CTNNA3: variants seen among roughly 807,000 people sequenced by gnomAD.
The protein encoded by CTNNA3 is catenin alpha-3.
A neutral mutation model predicts 95.7 loss-of-function variants in CTNNA3; 76 were observed. The observed-to-expected ratio is 0.79, with a 90% confidence interval of 0.66 to 0.96. CTNNA3 has a LOEUF of 0.96. Ranked by LOEUF, CTNNA3 falls within the 40% of genes least tolerant of loss-of-function variation. The pLI, the probability that CTNNA3 is intolerant of heterozygous loss-of-function variation, is 0.00. For synonymous variants in CTNNA3, 431 were observed against 374.4 expected (o/e 1.15, Z -1.74); for missense variants, 1,191 against 1,089.8 (o/e 1.09, Z -1.31).
intron 13 of CTNNA3, among the ~76,000 whole-genome samples, chr10:66,261,384 T>C (rs951894378): frequency 3.9e-5 from 6 of 152,158 alleles, no homozygotes; most frequent in African/African-American, 1.2e-4. Flanking sequence ...CCTTATGTTA[T>C]ATTCCTATTC....
At chr10:67,353,829 A>G (rs1842719889) in intron 5 of CTNNA3, among the ~76,000 whole-genome samples, 1 of 152,024 alleles carries the variant, frequency 6.6e-6, no homozygotes, top group South Asian at 2.1e-4. Context: ...ATTTACCAAG[A>G]GTCATCACTA....
intron 11 of CTNNA3, among the ~76,000 whole-genome samples, chr10:66,481,139 A>T (rs1165436955): frequency 6.6e-6 from 1 of 152,160 alleles, no homozygotes; most frequent in African/African-American, 2.4e-5. Flanking sequence ...GCGTAAAGGT[A>T]TATGTCTGTA....
intron 13 of CTNNA3, among the ~76,000 whole-genome samples, chr10:66,130,864 C>CAAAAAAAAAAA (rs1209953818): frequency 2.4e-5 from 2 of 83,280 alleles, no homozygotes; most frequent in African/African-American, 3.9e-5. Context: ...CAAAAACAAA[C>CAAAAAAAAAAA]AAAAAAAAAA....
chr10:66,130,436 T>G (rs1185089579), intron 13 of CTNNA3, among the ~76,000 whole-genome samples: 3 of 151,330 alleles, frequency 2.0e-5, no homozygotes, highest in African/African-American at 7.3e-5. Flanking sequence ...GTTTTTTTTT[T>G]TTGGAAAAAT....
intron 10 of CTNNA3, among the ~76,000 whole-genome samples, chr10:66,593,698 A>C (rs1284789888): frequency 1.3e-5 from 2 of 152,148 alleles, no homozygotes; most frequent in Non-Finnish European, 2.9e-5. Context: ...CCAAAAAAGC[A>C]GTCTCAAGTT....
At chr10:66,567,223 G>A in intron 10 of CTNNA3, among the ~76,000 whole-genome samples, 1 of 152,004 alleles carries the variant, frequency 6.6e-6, no homozygotes, top group East Asian at 1.9e-4. Context: ...ATCAGTGGAA[G>A]GTGCAATGAC....
At position 67,364,745 on chromosome 10, in the gene CTNNA3, A is replaced by G. The variant is rs138114426; in HGVS notation, c.580-144875T>C. ...AAAGAGGACACAAGCAAATGGAAAAACATTCCATGCTCATGGATAGGAAGA... is the reference window on the plus strand; with the variant it reads ...AAAGAGGACACAAGCAAATGGAAAAGCATTCCATGCTCATGGATAGGAAGA... On this transcript the variant is annotated intron_variant, in intron 5 of 17. Transcript: ENST00000433211. Among the ~76,000 whole-genome samples, 760 of 152,314 alleles carry G rather than the reference A, an allele frequency of 5.0e-3. 6 individuals carry two copies. The highest frequency in any genetic ancestry group is 0.017 in the African/African-American group (713 of 41,570).
chr10:66,340,342 A>C (rs1424799389), intron 12 of CTNNA3, among the ~76,000 whole-genome samples: 1 of 151,896 alleles, frequency 6.6e-6, no homozygotes, highest in Admixed American at 6.6e-5. Flanking sequence ...ATTGAGAATC[A>C]GAGAGTCAGA....
At chr10:67,011,845 G>A (rs10997482) in intron 7 of CTNNA3, among the ~76,000 whole-genome samples, 57,907 of 151,892 alleles carry the variant, frequency 0.38, 11,493 homozygotes, top group Middle Eastern at 0.58. Context: ...GGACCTACAG[G>A]TTGCATGTGG....
chr10:66,428,005 C>A (rs1184244661), intron 11 of CTNNA3, among the ~76,000 whole-genome samples: 1 of 152,038 alleles, frequency 6.6e-6, no homozygotes, highest in Non-Finnish European at 1.5e-5. Context: ...ATTCAGGAAA[C>A]CCATCTCACG....
At chr10:67,423,513 T>C (rs2132874186) in intron 5 of CTNNA3, among the ~76,000 whole-genome samples, 1 of 152,224 alleles carries the variant, frequency 6.6e-6, no homozygotes, top group African/African-American at 2.4e-5. Flanking sequence ...AACAGCTACT[T>C]TGGGTTGTTT....
chr10:67,374,336 T>A (rs1843610700), intron 5 of CTNNA3, among the ~76,000 whole-genome samples: 1 of 152,182 alleles, frequency 6.6e-6, no homozygotes, highest in South Asian at 2.1e-4. Flanking sequence ...TTTGCCCAAC[T>A]CTGTTCTGGA....
intron 1 of CTNNA3, among the ~76,000 whole-genome samples, chr10:67,739,537 T>C (rs1313807751): frequency 6.6e-6 from 1 of 151,946 alleles, no homozygotes; most frequent in African/African-American, 2.4e-5. Flanking sequence ...AGCCAAATCA[T>C]GAGTGAACTC....
chr10:66,963,204 G>T (rs1197482029), intron 7 of CTNNA3, among the ~76,000 whole-genome samples: 1 of 152,182 alleles, frequency 6.6e-6, no homozygotes, highest in Non-Finnish European at 1.5e-5. Context: ...ACAACCACAT[G>T]GGACAGTGCA....
chr10:66,311,816 C>T (rs34105606), intron 12 of CTNNA3, among the ~76,000 whole-genome samples: 11,794 of 152,202 alleles, frequency 0.077, 688 homozygotes, highest in Non-Finnish European at 0.13. Flanking sequence ...GATAGTTACT[C>T]TCCTGGGGAA....
intron 10 of CTNNA3, among the ~76,000 whole-genome samples, chr10:66,550,488 AC>A (rs1313358283): frequency 6.6e-6 from 1 of 152,162 alleles, no homozygotes; most frequent in Non-Finnish European, 1.5e-5. Flanking sequence ...CACAACCGTG[AC>A]CATTCATTTA....
At chr10:66,076,062 C>T (rs2080550666) in intron 14 of CTNNA3, among the ~76,000 whole-genome samples, 1 of 151,366 alleles carries the variant, frequency 6.6e-6, no homozygotes, top group Admixed American at 6.6e-5. Context: ...TAGAACTCAA[C>T]ATTCAAAATA....
At chr10:67,366,372 A>G (rs1246312776) in intron 5 of CTNNA3, among the ~76,000 whole-genome samples, 1 of 23,378 alleles carries the variant, frequency 4.3e-5, no homozygotes, top group African/African-American at 4.9e-5. Flanking sequence ...AAAATAAAAT[A>G]AAGAAAAGAA....
At chr10:66,258,499 G>A (rs969542325) in intron 13 of CTNNA3, among the ~76,000 whole-genome samples, 12 of 152,114 alleles carry the variant, frequency 7.9e-5, no homozygotes, top group Non-Finnish European at 1.3e-4. Context: ...AACCTCTATC[G>A]TGGACTAATA....
Sources: allele counts gnomAD v4.1 joint callset (sites outside exome capture counted in the v4.1 genomes callset), GRCh38; gene constraint gnomAD v4.1.1; transcripts MANE v1.5; gene names NCBI Gene and HGNC (gene_info 2026-07-23, HGNC 2026-07-21).